The following IGF1R variants were observed in gnomAD, a reference collection of about 807,000 sequenced individuals.
IGF1R encodes insulin-like growth factor 1 receptor.
IGF1R carries 44 observed loss-of-function variants against 144.6 expected under a neutral mutation model. The ratio of observed to expected loss-of-function variants is 0.30; its 90% confidence interval spans 0.24 to 0.39. The LOEUF (loss-of-function observed/expected upper bound fraction) is 0.39. Among genes scored for constraint, IGF1R ranks in the 10% least tolerant of loss-of-function variants. The probability of loss-of-function intolerance (pLI) is 1.00; values close to 1 mark genes in which losing one functional copy is unlikely to be tolerated. For missense variants in IGF1R, 1,355 were observed against 1,833.7 expected (o/e 0.74, Z 4.77); for synonymous variants, 795 against 722.8 (o/e 1.10, Z -1.60).
rs574344878 is a variant in IGF1R, at chr15:98,958,076, C to T, written c.*634C>T. On this transcript the variant is annotated 3_prime_UTR_variant, in exon 21 of 21. Transcript: ENST00000650285. ...CCTCATCGGCCCGGCGCTGATTCCT[C>T]GTGTCCGGAGGCATGGGTGAGCATG... The T allele has an allele frequency of 2.1e-5, 5 of 234,008 alleles. No homozygotes were observed. The highest frequency in any genetic ancestry group is 6.6e-5 in the African/African-American group (3 of 45,312). 14.5% of individuals were successfully genotyped at this position (234,008 alleles called of 1,614,324 possible). A position where few individuals can be genotyped will look rare whatever the true frequency, so the allele number is the denominator to read the frequency against.
intron 2 of IGF1R, among the ~76,000 whole-genome samples, chr15:98,833,416 C>T (rs998368800): frequency 1.3e-5 from 2 of 152,150 alleles, no homozygotes; most frequent in Non-Finnish European, 2.9e-5. Context: ...CCACGTAAGC[C>T]CCCGGAGCAC....
chr15:98,830,868 T>A (rs1352726135), intron 2 of IGF1R, among the ~76,000 whole-genome samples: 1 of 152,198 alleles, frequency 6.6e-6, no homozygotes, highest in Non-Finnish European at 1.5e-5. Flanking sequence ...CTTCCCAAAG[T>A]GCTGGGATTA....
chr15:98,830,096 CTCTT>C (rs1000894102), intron 2 of IGF1R, among the ~76,000 whole-genome samples: 6 of 152,222 alleles, frequency 3.9e-5, no homozygotes, highest in Non-Finnish European at 5.9e-5. Flanking sequence ...AACCTGGAAT[CTCTT>C]TCTTCTTCCT....
intron 19 of IGF1R, among the ~76,000 whole-genome samples, chr15:98,945,171 G>T (rs2016506012): frequency 6.6e-6 from 1 of 152,238 alleles, no homozygotes; most frequent in Non-Finnish European, 1.5e-5. Flanking sequence ...CTAGAGCTGT[G>T]CTTCTTCCCG....
intron 2 of IGF1R, among the ~76,000 whole-genome samples, chr15:98,872,673 T>C (rs935296620): frequency 3.3e-5 from 5 of 152,216 alleles, no homozygotes; most frequent in African/African-American, 1.2e-4. Flanking sequence ...GTCCCTCTGA[T>C]ACACAGCAGC....
In IGF1R at chr15:98,899,490, A is replaced by G; in HGVS notation, c.1116A>G (p.Ser372=). 1 of 1,614,158 alleles carries G rather than the reference A, an allele frequency of 6.2e-7. No individual in the cohort carries two copies. The highest frequency in any genetic ancestry group is 8.5e-7 in the Non-Finnish European group (1 of 1,179,996). Residue 372 remains serine, a synonymous_variant, in exon 5 of 21, where the codon TCA becomes TCG. Coordinates refer to ENST00000650285, the MANE Select transcript of IGF1R (RefSeq NM_000875.5). ...CTTTCAATGTAGATAACATTGCTTC[A>G]GAGCTGGAGAACTTCATGGGGCTCA... ...INIRRGNNIA[S]ELENFMGLIE... is the part of the protein sequence containing the mutation.
chr15:98,938,192 C>A (rs2016230319), intron 17 of IGF1R, among the ~76,000 whole-genome samples: 1 of 152,232 alleles, frequency 6.6e-6, no homozygotes, highest in Admixed American at 6.5e-5. Flanking sequence ...AGGTCATCTT[C>A]TCGTCAGTGA....
At position 98,649,520 on chromosome 15, in the gene IGF1R, C is replaced by CTTTTCTT; in HGVS notation, c.-57_-51dup. 1 of 857,964 alleles carries CTTTTCTT rather than the reference C, an allele frequency of 1.2e-6. No individual in the cohort carries two copies. Among genetic ancestry groups the CTTTTCTT allele is most frequent in the East Asian group, 3.1e-5 (1 of 32,560 alleles). 53.1% of individuals were successfully genotyped at this position (857,964 alleles called of 1,614,324 possible). ...TCCTTTCATTTCCTTTTTTTCTTTT[C>CTTTTCTT]TTTTCTTTTTTTTTTTTTTTTTTTT... is the stretch of plus-strand genomic sequence containing the variant. On this transcript the variant is annotated 5_prime_UTR_variant, in exon 1 of 21. Coordinates refer to ENST00000650285, the MANE Select transcript of IGF1R (RefSeq NM_000875.5).
chr15:98,958,969 G>C lies in IGF1R; in HGVS notation c.*1527G>C, dbSNP rs894296439. The C allele has an allele frequency of 1.3e-5, 3 of 233,244 alleles. No homozygotes were observed. The highest frequency in any genetic ancestry group is 6.6e-5 in the African/African-American group (3 of 45,310). The allele number at this position is 233,244 out of a possible 1,614,324, so 14.4% of individuals were successfully genotyped here. ...GTTTTCTAACCCGTAGGCTCTCTGGGCACGAGGCAGAAAGCAGGCCGGGCA... is the reference window on the plus strand; with the variant it reads ...GTTTTCTAACCCGTAGGCTCTCTGGCCACGAGGCAGAAAGCAGGCCGGGCA... On this transcript the variant is annotated 3_prime_UTR_variant, in exon 21 of 21. Coordinates refer to ENST00000650285, the MANE Select transcript of IGF1R (RefSeq NM_000875.5).
chr15:98,683,947 G>A (rs949675030), intron 1 of IGF1R, among the ~76,000 whole-genome samples: 2 of 152,130 alleles, frequency 1.3e-5, no homozygotes, highest in African/African-American at 2.4e-5. Flanking sequence ...CCTGGCGGGC[G>A]TAGATCTTTG....
intron 15 of IGF1R, among the ~76,000 whole-genome samples, chr15:98,932,031 G>A (rs1382998116): frequency 4.6e-5 from 7 of 152,190 alleles, no homozygotes; most frequent in East Asian, 1.9e-4. Flanking sequence ...TTTGAAATGC[G>A]GCACTAGAGG....
intron 1 of IGF1R, among the ~76,000 whole-genome samples, chr15:98,652,750 GC>G (rs2052400024): frequency 6.6e-6 from 1 of 152,180 alleles, no homozygotes; most frequent in Non-Finnish European, 1.5e-5. Flanking sequence ...GTTGCCAGGG[GC>G]TGGGGGCGGA....
chr15:98,835,508 T>A (rs1480126578), intron 2 of IGF1R, among the ~76,000 whole-genome samples: 1 of 152,172 alleles, frequency 6.6e-6, no homozygotes, highest in Non-Finnish European at 1.5e-5. Context: ...CTTCCATAGT[T>A]GTCTTAATAC....
chr15:98,744,160 G>A (rs2054810618), intron 2 of IGF1R, among the ~76,000 whole-genome samples: 2 of 152,018 alleles, frequency 1.3e-5, no homozygotes, highest in Non-Finnish European at 2.9e-5. Flanking sequence ...ATAATTCTGG[G>A]GATGGAGCTT....
chr15:98,826,790 T>G (rs1166714876), intron 2 of IGF1R, among the ~76,000 whole-genome samples: 1 of 152,268 alleles, frequency 6.6e-6, no homozygotes, highest in Non-Finnish European at 1.5e-5. Context: ...ACCAATGTGA[T>G]AAAGACAGAG....
At chr15:98,829,597 A>G (rs779001985) in intron 2 of IGF1R, among the ~76,000 whole-genome samples, 16 of 152,204 alleles carry the variant, frequency 1.1e-4, no homozygotes, top group Non-Finnish European at 1.6e-4. Flanking sequence ...TTTAGCATTC[A>G]TGATACTCTA....
chr15:98,941,305 C>G (rs2016356457), intron 18 of IGF1R, among the ~76,000 whole-genome samples: 1 of 152,224 alleles, frequency 6.6e-6, no homozygotes, highest in African/African-American at 2.4e-5. Context: ...TATTCCCACC[C>G]TCCGGGCACA....
At chr15:98,654,892 C>G (rs987274182) in intron 1 of IGF1R, among the ~76,000 whole-genome samples, 1 of 152,170 alleles carries the variant, frequency 6.6e-6, no homozygotes, top group African/African-American at 2.4e-5. Flanking sequence ...TCTGATCCCT[C>G]CTGGAAAATG....
At chr15:98,844,157 T>C (rs1453362555) in intron 2 of IGF1R, among the ~76,000 whole-genome samples, 1 of 152,210 alleles carries the variant, frequency 6.6e-6, no homozygotes, top group African/African-American at 2.4e-5. Context: ...GACATATGGC[T>C]ATGTGTTTTA....
Sources: allele counts gnomAD v4.1 joint callset (sites outside exome capture counted in the v4.1 genomes callset), GRCh38; gene constraint gnomAD v4.1.1; transcripts MANE v1.5; gene names NCBI Gene and HGNC (gene_info 2026-07-23, HGNC 2026-07-21).